The following CNKSR3 variants were observed in gnomAD, a reference collection of about 807,000 sequenced individuals.
The protein encoded by CNKSR3 is connector enhancer of kinase suppressor of ras 3.
In CNKSR3, 36 loss-of-function variants were observed where a neutral mutation model predicts 67.7. That is an observed-to-expected ratio of 0.53 (90% CI 0.41 to 0.70). CNKSR3 has a LOEUF of 0.70. Among genes scored for constraint, CNKSR3 ranks in the 30% least tolerant of loss-of-function variants. CNKSR3 has a pLI of 0.00. For missense variants in CNKSR3, 630 were observed against 695.2 expected (o/e 0.91, Z 1.05); for synonymous variants, 281 against 271.4 (o/e 1.04, Z -0.35).
intron 1 of CNKSR3, among the ~76,000 whole-genome samples, chr6:154,458,365 C>A (rs1042277607): frequency 2.0e-5 from 3 of 152,104 alleles, no homozygotes; most frequent in African/African-American, 4.8e-5. Context: ...AATGCTCCCC[C>A]CTCCCCTAAT....
intron 1 of CNKSR3, among the ~76,000 whole-genome samples, chr6:154,496,750 C>T (rs934359526): frequency 6.6e-6 from 1 of 152,178 alleles, no homozygotes; most frequent in Non-Finnish European, 1.5e-5. Context: ...GAAGTAGATA[C>T]ACTATTCTCT....
intron 1 of CNKSR3, among the ~76,000 whole-genome samples, chr6:154,468,390 TTA>T (rs1491164318): frequency 2.2e-5 from 2 of 89,608 alleles, no homozygotes; most frequent in African/African-American, 8.6e-5. Context: ...CATATATATT[TTA>T]TACACACACA....
chr6:154,458,213 C>G (rs2128720384), intron 1 of CNKSR3, among the ~76,000 whole-genome samples: 1 of 152,284 alleles, frequency 6.6e-6, no homozygotes, highest in Non-Finnish European at 1.5e-5. Context: ...GCGATGAGTA[C>G]AGAGTGATGA....
intron 1 of CNKSR3, among the ~76,000 whole-genome samples, chr6:154,451,671 T>C (rs926853067): frequency 1.3e-5 from 2 of 152,222 alleles, no homozygotes; most frequent in Admixed American, 6.5e-5. Context: ...TAATCTGATG[T>C]GTGAGGCTAA....
At chr6:154,509,701 G>C (rs1356709976) in intron 1 of CNKSR3, among the ~76,000 whole-genome samples, 1 of 152,106 alleles carries the variant, frequency 6.6e-6, no homozygotes, top group Non-Finnish European at 1.5e-5. Context: ...CTCTGCACTC[G>C]GGCCCCCGGG....
At chr6:154,449,975 T>C in intron 2 of CNKSR3, 120 bp downstream of exon 2, 1 of 1,025,772 alleles carries the variant, frequency 9.7e-7, no homozygotes, top group Non-Finnish European at 1.4e-6. Flanking sequence ...TCAGCTCATG[T>C]TTTATTTTGA....
At chr6:154,436,212 C>A (rs1465502865) in intron 4 of CNKSR3, among the ~76,000 whole-genome samples, 2 of 152,210 alleles carry the variant, frequency 1.3e-5, no homozygotes, top group East Asian at 3.9e-4. Context: ...CACTGTGTCA[C>A]CCAGGCTGCA....
At chr6:154,494,173 C>T (rs769894106) in intron 1 of CNKSR3, among the ~76,000 whole-genome samples, 2 of 152,158 alleles carry the variant, frequency 1.3e-5, no homozygotes, top group Non-Finnish European at 2.9e-5. Context: ...GGGGAGGCCT[C>T]AGGAAACTTA....
At chr6:154,492,148 G>A (rs1786794786) in intron 1 of CNKSR3, among the ~76,000 whole-genome samples, 1 of 152,006 alleles carries the variant, frequency 6.6e-6, no homozygotes, top group Admixed American at 6.6e-5. Flanking sequence ...TGCCCCAGTT[G>A]ATCACTACCT....
intron 6 of CNKSR3, among the ~76,000 whole-genome samples, chr6:154,428,773 G>T (rs899309520): frequency 6.6e-6 from 1 of 151,856 alleles, no homozygotes; most frequent in Non-Finnish European, 1.5e-5. Flanking sequence ...CTCCCATCTC[G>T]GCCTCCCAAA....
At position 154,480,806 on chromosome 6, in the gene CNKSR3, G is replaced by C. The variant is rs144904592; in HGVS notation, c.52+29257C>G. Among the ~76,000 whole-genome samples the C allele has an allele frequency of 2.1e-3, 318 of 152,216 alleles. 1 individual carries two copies. Among genetic ancestry groups the C allele is most frequent in the East Asian group, 6.2e-3 (32 of 5,180 alleles). On this transcript the variant is annotated intron_variant, in intron 1 of 12. Coordinates refer to ENST00000607772, the MANE Select transcript of CNKSR3 (RefSeq NM_173515.4). ...CACTGAGCATGTGCCACCATATCTC[G>C]CAATTACTATTTCTTTTAAAGCCAG...
intron 1 of CNKSR3, among the ~76,000 whole-genome samples, chr6:154,490,731 G>A (rs1311497192): frequency 7.1e-6 from 1 of 141,126 alleles, no homozygotes; most frequent in African/African-American, 2.5e-5. Flanking sequence ...TCTTTCAGTG[G>A]CTGACAATGT....
At chr6:154,458,854 A>C (rs1786015291) in intron 1 of CNKSR3, among the ~76,000 whole-genome samples, 1 of 152,160 alleles carries the variant, frequency 6.6e-6, no homozygotes, top group Admixed American at 6.5e-5. Flanking sequence ...TAATTTGAAG[A>C]ACGGGGACCA....
chr6:154,388,379 AT>A lies in CNKSR3; in HGVS notation c.*17974del, dbSNP rs1424161632. 1.3e-5 allele frequency: 2 copies of A among 152,202 alleles called. No individual in the cohort carries two copies. The highest frequency in any genetic ancestry group is 1.5e-5 in the Non-Finnish European group (1 of 68,036). 9.4% of individuals were successfully genotyped at this position (152,202 alleles called of 1,614,324 possible). ...TAAAAGCTAAATAGTATTCCATTGT[AT>A]GTGTATATACATTTTCTTTATTCAT... On this transcript the variant is annotated 3_prime_UTR_variant, in exon 13 of 13. Transcript: ENST00000607772.
chr6:154,503,775 G>A (rs1003784968), intron 1 of CNKSR3, among the ~76,000 whole-genome samples: 4 of 152,114 alleles, frequency 2.6e-5, no homozygotes, highest in Admixed American at 6.6e-5. Flanking sequence ...AGCACACACC[G>A]TAAGACTGGT....
intron 1 of CNKSR3, among the ~76,000 whole-genome samples, chr6:154,457,465 A>T (rs913290246): frequency 6.6e-6 from 1 of 152,212 alleles, no homozygotes; most frequent in African/African-American, 2.4e-5. Flanking sequence ...CACACCTGTA[A>T]TTCCAGCACT....
chr6:154,505,540 T>C (rs905894749), intron 1 of CNKSR3, among the ~76,000 whole-genome samples: 12 of 149,596 alleles, frequency 8.0e-5, no homozygotes, highest in East Asian at 4.2e-4. Context: ...CTCTGTCGCC[T>C]AGGCTGGAGT....
chr6:154,493,689 T>C (rs759687088), intron 1 of CNKSR3, among the ~76,000 whole-genome samples: 6 of 152,070 alleles, frequency 3.9e-5, no homozygotes, highest in Non-Finnish European at 8.8e-5. Context: ...GAGGCATGGC[T>C]GGGAGGCCTC....
At chr6:154,486,879 C>A (rs1265055353) in intron 1 of CNKSR3, among the ~76,000 whole-genome samples, 1 of 152,108 alleles carries the variant, frequency 6.6e-6, no homozygotes, top group Non-Finnish European at 1.5e-5. Flanking sequence ...CTTTGTTGCC[C>A]AGGCTGGTCT....
Sources: gnomAD v4.1 joint callset for allele counts (sites outside exome capture counted in the v4.1 genomes callset) on GRCh38, gnomAD v4.1.1 for gene constraint, MANE v1.5 for transcripts, NCBI Gene and HGNC (gene_info 2026-07-23, HGNC 2026-07-21) for gene names.